Variants in NCOR2 observed in about 807,000 individuals in gnomAD.
NCOR2 encodes CTG repeat protein 26.
A neutral mutation model predicts 262.9 loss-of-function variants in NCOR2; 81 were observed. The ratio of observed to expected loss-of-function variants is 0.31; its 90% CI spans 0.26 to 0.37. NCOR2 has a LOEUF of 0.37. Ranked by LOEUF, NCOR2 falls within the 10% of genes least tolerant of loss-of-function variation. The probability of loss-of-function intolerance (pLI) is 1.00; values close to 1 mark genes in which losing one functional copy is unlikely to be tolerated. For missense variants in NCOR2, 3,385 were observed against 3,621.4 expected (o/e 0.93, Z 1.68); for synonymous variants, 1,659 against 1,559.3 (o/e 1.06, Z -1.51).
At chr12:124,557,262 G>A (rs754931926) in intron 1 of NCOR2, among the ~76,000 whole-genome samples, 1 of 152,212 alleles carries the variant, frequency 6.6e-6, no homozygotes, top group Non-Finnish European at 1.5e-5. Flanking sequence ...TCCACACGCC[G>A]GGGACTTAAA....
rs1292881115 is a variant in NCOR2 at position 124,457,449 on chromosome 12, C to A, written c.706-287G>T. On this transcript the variant is annotated intron_variant, in intron 5 of 46. Coordinates refer to ENST00000405201, the Ensembl canonical transcript of NCOR2. This position sits in a 1 kb window ranked among gnomAD's most constrained non-coding sequence, Gnocchi z 4.0. ...TGCTCCCCGGCAGGCGCGCAGGCCT[C>A]GCTCCCCCAGGGCCCAGCGACGTGG... Among the ~76,000 whole-genome samples, 1 of 152,110 alleles carries A rather than the reference C, an allele frequency of 6.6e-6. No homozygotes were observed. Among genetic ancestry groups the A allele is most frequent in the East Asian group, 1.9e-4 (1 of 5,144 alleles).
In NCOR2 at chr12:124,389,930, C is replaced by T. The variant is rs2041167781; in HGVS notation, c.1877-4043G>A. ...AGTTAACTGAGCTGAACTTTGGATCCTAGATTCAGGTCACGACCGACTTCC... is the reference window on the plus strand; with the variant it reads ...AGTTAACTGAGCTGAACTTTGGATCTTAGATTCAGGTCACGACCGACTTCC... On this transcript the variant is annotated intron_variant, in intron 16 of 46. Coordinates refer to ENST00000405201, the Ensembl canonical transcript of NCOR2. The surrounding 1 kb of genome is among the most constrained non-coding windows in gnomAD (Gnocchi z 4.4). 6.6e-6 allele frequency among the ~76,000 whole-genome samples: 1 copy of T among 152,152 alleles called. No individual in the cohort carries two copies. Among genetic ancestry groups the T allele is most frequent in the South Asian group, 2.1e-4 (1 of 4,828 alleles).
At chr12:124,436,427 C>T (rs949288123) in intron 8 of NCOR2, among the ~76,000 whole-genome samples, 1 of 152,202 alleles carries the variant, frequency 6.6e-6, no homozygotes, top group Non-Finnish European at 1.5e-5. Context: ...CAGCCCTTGC[C>T]GCGTCTCTTA....
chr12:124,427,369 G>A (rs2136329708), intron 10 of NCOR2, among the ~76,000 whole-genome samples: 1 of 152,302 alleles, frequency 6.6e-6, no homozygotes, highest in South Asian at 2.1e-4. Flanking sequence ...GCATGCGGCA[G>A]GAGTCAGGCG....
intron 26 of NCOR2, 98 bp from the exon 29 acceptor site, chr12:124,354,294 T>C: frequency 7.6e-7 from 1 of 1,310,480 alleles, no homozygotes; most frequent in Non-Finnish European, 1.1e-6. Flanking sequence ...ACCCACAAGT[T>C]GTGCTAGTTG....
At chr12:124,424,414 G>A (rs971631361) in intron 11 of NCOR2, among the ~76,000 whole-genome samples, 5 of 152,120 alleles carry the variant, frequency 3.3e-5, no homozygotes, top group Admixed American at 6.5e-5. Flanking sequence ...CTGCAGGCAC[G>A]AGCCATTAAG....
At position 124,418,627 on chromosome 12, in the gene NCOR2, C is replaced by T. The variant is rs11836091; in HGVS notation, c.1482+1330G>A. 6.7e-3 allele frequency among the ~76,000 whole-genome samples: 1,027 copies of T among 152,280 alleles called. 11 individuals carry two copies. Among genetic ancestry groups the T allele is most frequent in the African/African-American group, 0.024 (986 of 41,544 alleles). On this transcript the variant is annotated intron_variant, in intron 13 of 46. Transcript: ENST00000405201. ...TTCTCTGGGGACACTTTGTGTCTAC[C>T]GGCCACCTGGAGCTGCTCCGGGCCT...
rs1402710487 is a variant in NCOR2 at position 124,523,451 on chromosome 12, C to T, written c.-118+12114G>A. Reference sequence around the variant, plus strand: ...AGCCAGCTGGATCCCAGGGACCTAACCCGGGAAGGACACATCACGCCGGCC... The same window carrying T: ...AGCCAGCTGGATCCCAGGGACCTAATCCGGGAAGGACACATCACGCCGGCC... On this transcript the variant is annotated intron_variant, in intron 1 of 46. Transcript: ENST00000404621. This position sits in a 1 kb window ranked among gnomAD's most constrained non-coding sequence, Gnocchi z 4.0. Among the ~76,000 whole-genome samples, 1 of 152,114 alleles carries T rather than the reference C, an allele frequency of 6.6e-6. No individual in the cohort carries two copies. The highest frequency in any genetic ancestry group is 1.5e-5 in the Non-Finnish European group (1 of 68,026).
intron 5 of NCOR2, among the ~76,000 whole-genome samples, chr12:124,464,740 C>T (rs1161191911): frequency 6.6e-6 from 1 of 152,116 alleles, no homozygotes; most frequent in Non-Finnish European, 1.5e-5. Flanking sequence ...GTGATGCCGT[C>T]GTTGTCATTG....
intron 1 of NCOR2, among the ~76,000 whole-genome samples, chr12:124,511,784 G>T (rs989851937): frequency 1.2e-4 from 19 of 152,312 alleles, no homozygotes; most frequent in Admixed American, 1.2e-3. Flanking sequence ...CTCAGGCTTG[G>T]AGTGGGGAAC....
chr12:124,325,004 C>T (rs2034516617), exon 47 of NCOR2: 2 of 159,360 alleles, frequency 1.3e-5, no homozygotes. Flanking sequence ...GCGGGGGCTG[C>T]GAGCTCAGTT....
intron 17 of NCOR2, among the ~76,000 whole-genome samples, chr12:124,380,980 T>A (rs1232507819): frequency 6.6e-6 from 1 of 152,166 alleles, no homozygotes; most frequent in Non-Finnish European, 1.5e-5. Flanking sequence ...TGACGTTTAT[T>A]AAGCACCTAC....
chr12:124,332,090 T>C (rs1043326500), intron 43 of NCOR2: 3 of 561,242 alleles, frequency 5.3e-6, no homozygotes, highest in Non-Finnish European at 6.4e-6. Context: ...ATGTGCTGGG[T>C]GCTATTCTTC....
At chr12:124,561,088 C>T (rs1369440333) in intron 1 of NCOR2, among the ~76,000 whole-genome samples, 1 of 152,218 alleles carries the variant, frequency 6.6e-6, no homozygotes, top group Non-Finnish European at 1.5e-5. Context: ...CCTCCGGGTC[C>T]GGCTGGGTCA....
intron 7 of NCOR2, among the ~76,000 whole-genome samples, chr12:124,439,711 A>C (rs2044705576): frequency 6.6e-6 from 1 of 151,384 alleles, no homozygotes; most frequent in Admixed American, 6.6e-5. Context: ...GTGAGACTGG[A>C]GTGAGAGAGA....
intron 23 of NCOR2, 119 bp from the exon 26 acceptor site, chr12:124,355,690 G>T: frequency 7.3e-7 from 1 of 1,367,424 alleles, no homozygotes; most frequent in Non-Finnish European, 9.6e-7. Flanking sequence ...CCATCCATGC[G>T]CACTCCTCTA....
At chr12:124,525,230 G>T (rs940836181) in intron 1 of NCOR2, among the ~76,000 whole-genome samples, 1 of 152,066 alleles carries the variant, frequency 6.6e-6, no homozygotes. Flanking sequence ...GGGCCTTCGC[G>T]CCTGCTGTTC....
intron 22 of NCOR2, among the ~76,000 whole-genome samples, chr12:124,358,899 G>A (rs921116302): frequency 5.9e-5 from 9 of 152,222 alleles, no homozygotes; most frequent in African/African-American, 1.9e-4. Flanking sequence ...TTTCACAGAC[G>A]GGAAAATGGA....
chr12:124,344,472 T>G, intron 32 of NCOR2, 125 bp downstream of exon 34: 1 of 912,860 alleles, frequency 1.1e-6, no homozygotes, highest in South Asian at 2.4e-5. Flanking sequence ...TGCAGGTGGT[T>G]TGGATGTGGT....
Sources: allele counts gnomAD v4.1 joint callset (sites outside exome capture counted in the v4.1 genomes callset), GRCh38; gene constraint gnomAD v4.1.1; non-coding constraint Gnocchi (gnomAD v3.1); transcripts MANE v1.5; gene names NCBI Gene and HGNC (gene_info 2026-07-23, HGNC 2026-07-21).